The following UFL1 variants were observed in gnomAD, a reference collection of about 807,000 sequenced individuals.
UFL1 encodes the protein UFM1 specific ligase 1.
Under a neutral mutation model 99.3 loss-of-function variants are expected in UFL1, and 78 were observed. The ratio of observed to expected loss-of-function variants is 0.79; its 90% confidence interval spans 0.65 to 0.95. The LOEUF is 0.95. UFL1 is among the 40% of genes least tolerant of loss of function. The probability of loss-of-function intolerance (pLI) is 0.00; values close to 1 mark genes in which losing one functional copy is unlikely to be tolerated. For synonymous variants in UFL1, 335 were observed against 322.2 expected (o/e 1.04, Z -0.42); for missense variants, 936 against 937.0 (o/e 1.00, Z 0.01).
At chr6:96,543,599 A>G (rs1769960396) in intron 12 of UFL1, among the ~76,000 whole-genome samples, 1 of 151,180 alleles carries the variant, frequency 6.6e-6, no homozygotes, top group Admixed American at 6.6e-5. Context: ...GCCATTGCTC[A>G]AGAAAATGAG....
chr6:96,547,014 T>G (rs533245230), intron 12 of UFL1, among the ~76,000 whole-genome samples: 3 of 151,600 alleles, frequency 2.0e-5, no homozygotes, highest in East Asian at 3.9e-4. Context: ...AACTAAAAAG[T>G]TTCTGCACAG....
intron 18 of UFL1, among the ~76,000 whole-genome samples, 199 bp from the exon 19 acceptor site, chr6:96,553,086 G>A (rs996982721): frequency 3.9e-5 from 6 of 152,054 alleles, no homozygotes; most frequent in African/African-American, 1.4e-4. Context: ...TTATGGTAAA[G>A]TGATTTGCAT....
chr6:96,535,022 C>A (rs957841307), intron 7 of UFL1, among the ~76,000 whole-genome samples: 16 of 151,822 alleles, frequency 1.1e-4, no homozygotes, highest in Admixed American at 9.9e-4. Context: ...TTGTTGGAAT[C>A]TATATAATTA....
intron 6 of UFL1, among the ~76,000 whole-genome samples, chr6:96,530,284 C>T (rs1769765807): frequency 1.3e-5 from 2 of 151,980 alleles, no homozygotes; most frequent in African/African-American, 2.4e-5. Flanking sequence ...TCATGTTATA[C>T]CTATTTGTGT....
At chr6:96,545,947 A>G (rs1473452792) in intron 12 of UFL1, among the ~76,000 whole-genome samples, 1 of 151,154 alleles carries the variant, frequency 6.6e-6, no homozygotes, top group African/African-American at 2.4e-5. Flanking sequence ...TAGAGCCATT[A>G]AGAACTGGAA....
rs1769611942 is a variant in UFL1, at chr6:96,521,821, C to T, written c.-53C>T. 2.5e-6 allele frequency: 4 copies of T among 1,568,680 alleles called. No individual in the cohort carries two copies. The highest frequency in any genetic ancestry group is 2.6e-6 in the Non-Finnish European group (3 of 1,156,816). On this transcript the variant is annotated 5_prime_UTR_variant, in exon 1 of 19. Transcript: ENST00000369278. ...CGTTCCGCCTCTCTTCTCCCACCGC[C>T]TGTCGGCTGACGTGTCTGCAGTTCC...
Position 96,537,412 on chromosome 6 carries a change from G to C in UFL1, c.841G>C (p.Val281Leu). ...GTCCAGACTTGGAATCCCAGATGCT[G>C]TAAGCTACATAAAGAAAAGATATAA... Reference protein sequence around the residue: ...ALSRLGIPDAVSYIKKRYKTT... With the variant: ...ALSRLGIPDALSYIKKRYKTT... Residue 281 changes from valine (V) to leucine (L), a missense_variant, in exon 9 of 19, where the codon GTA becomes CTA. By Grantham distance (32) the Val-to-Leu change is conservative. Transcript: ENST00000369278. 6.3e-7 allele frequency: 1 copy of C among 1,596,934 alleles called. No individual in the cohort carries two copies. The highest frequency in any genetic ancestry group is 8.5e-7 in the Non-Finnish European group (1 of 1,173,610).
At chr6:96,544,345 A>G (rs1020298025) in intron 12 of UFL1, among the ~76,000 whole-genome samples, 3 of 150,866 alleles carry the variant, frequency 2.0e-5, no homozygotes, top group African/African-American at 7.3e-5. Context: ...TGTTTAAAAA[A>G]GGTAAACTTA....
intron 17 of UFL1, 47 bp downstream of exon 17, chr6:96,551,970 C>A (rs372425372): frequency 5.3e-5 from 72 of 1,369,208 alleles, no homozygotes; most frequent in Non-Finnish European, 7.2e-5. Flanking sequence ...AAATGTGGAG[C>A]CTTTCATATC....
chr6:96,532,444 G>A (rs1769795339), intron 6 of UFL1, among the ~76,000 whole-genome samples: 1 of 152,230 alleles, frequency 6.6e-6, no homozygotes, highest in Non-Finnish European at 1.5e-5. Context: ...TTATGTTGCA[G>A]TTTGATCACC....
chr6:96,540,690 T>C (rs1769919282), intron 11 of UFL1, 35 bp downstream of exon 11: 2 of 1,580,482 alleles, frequency 1.3e-6, no homozygotes, highest in African/African-American at 1.4e-5. Flanking sequence ...TTCAAAGTTT[T>C]GTATTTGTTG....
chr6:96,531,104 C>A (rs144181177), intron 6 of UFL1, among the ~76,000 whole-genome samples: 12 of 152,320 alleles, frequency 7.9e-5, no homozygotes, highest in Admixed American at 6.5e-5. Flanking sequence ...TTTATGAGAA[C>A]CTAATGCCTG....
In UFL1 at chr6:96,552,572, G is replaced by T; in HGVS notation, c.2076G>T (p.Leu692=). ...PALILHLTSV[L]LFQFSTHSML... ...TTATTCTGCACCTCACATCAGTCCT[G>T]TTGTTTCAGTTTTCAACCCACAGCA... is the stretch of plus-strand genomic sequence containing the variant. The change falls in exon 18 of 19, where the codon CTG becomes CTT. Residue 692 remains leucine, a synonymous_variant. Transcript: ENST00000369278. The T allele has an allele frequency of 1.2e-6, 2 of 1,612,952 alleles. No homozygotes were observed. The highest frequency in any genetic ancestry group is 1.7e-6 in the Non-Finnish European group (2 of 1,179,666).
intron 1 of UFL1, chr6:96,522,748 C>G (rs1769637345): frequency 6.4e-6 from 1 of 156,032 alleles, no homozygotes. Context: ...GGCAATTATG[C>G]ACTTAATTTA....
Position 96,528,485 on chromosome 6 carries a change from T to G in UFL1, c.466-17T>G. 6.2e-7 allele frequency: 1 copy of G among 1,605,510 alleles called. No individual in the cohort carries two copies. Among genetic ancestry groups the G allele is most frequent in the Non-Finnish European group, 8.5e-7 (1 of 1,176,510 alleles). ...CTTTTCTTTTAAATTAATAAAAATG[T>G]ACATCTTTACCCACAGGCACTAACT... On this transcript the variant is annotated splice_polypyrimidine_tract_variant and intron_variant, in intron 5 of 18. Coordinates refer to ENST00000369278, the MANE Select transcript of UFL1 (RefSeq NM_015323.5).
At chr6:96,531,800 G>A (rs1769786049) in intron 6 of UFL1, among the ~76,000 whole-genome samples, 1 of 152,002 alleles carries the variant, frequency 6.6e-6, no homozygotes, top group African/African-American at 2.4e-5. Flanking sequence ...CTCATTCATA[G>A]TAGTCCTGAG....
chr6:96,540,677 A>G (rs200789975), intron 11 of UFL1, 22 bp downstream of exon 11: 11 of 1,588,882 alleles, frequency 6.9e-6, no homozygotes, highest in African/African-American at 4.1e-5. Context: ...TTAACAAGGA[A>G]TATTCAAAGT....
intron 7 of UFL1, among the ~76,000 whole-genome samples, chr6:96,535,134 T>C (rs1204361629): frequency 6.6e-6 from 1 of 152,048 alleles, no homozygotes; most frequent in Non-Finnish European, 1.5e-5. Context: ...TGTACAGTCA[T>C]ACTAAATTGA....
chr6:96,536,157 A>T, intron 7 of UFL1, 87 bp from the exon 8 acceptor site: 3 of 1,303,242 alleles, frequency 2.3e-6, no homozygotes. Flanking sequence ...GGTTAAGAAT[A>T]AGTAAATTAT....
Sources: allele counts gnomAD v4.1 joint callset (sites outside exome capture counted in the v4.1 genomes callset), GRCh38; gene constraint gnomAD v4.1.1; transcripts MANE v1.5; gene names NCBI Gene and HGNC (gene_info 2026-07-23, HGNC 2026-07-21).